Variants in KIAA1217 observed in about 807,000 individuals in gnomAD.
KIAA1217 encodes KIAA1217, also known as sickle tail protein homolog.
A neutral mutation model predicts 163.9 loss-of-function variants in KIAA1217; 88 were observed. The observed-to-expected ratio is 0.54, with a 90% CI of 0.45 to 0.64. The LOEUF is 0.64. KIAA1217 is among the 30% of genes least tolerant of loss of function. The pLI is 0.00. For missense variants in KIAA1217, 2,372 were observed against 2,475.0 expected, an observed-to-expected ratio of 0.96 and a Z score of 0.88; for synonymous variants, 903 against 923.1, an observed-to-expected ratio of 0.98 and a Z score of 0.39.
chr10:23,698,872 C>A (rs186874069), intron 1 of KIAA1217, among the ~76,000 whole-genome samples: 17 of 152,160 alleles, frequency 1.1e-4, no homozygotes, highest in African/African-American at 4.1e-4. Context: ...GTAGCCTCAA[C>A]CTCCTGGGCT....
chr10:23,949,639 C>T (rs927787170), intron 1 of KIAA1217, among the ~76,000 whole-genome samples: 2 of 151,862 alleles, frequency 1.3e-5, no homozygotes, highest in African/African-American at 4.8e-5. Flanking sequence ...AAAGAAAAGA[C>T]TGCCTGGTGT....
chr10:24,399,175 A>G (rs1209777213), intron 3 of KIAA1217, among the ~76,000 whole-genome samples: 4 of 152,224 alleles, frequency 2.6e-5, no homozygotes, highest in African/African-American at 7.2e-5. Context: ...ACACTGCCTG[A>G]TATATAGTAA....
At chr10:24,151,561 G>A (rs927624270) in intron 2 of KIAA1217, among the ~76,000 whole-genome samples, 31 of 150,868 alleles carry the variant, frequency 2.1e-4, no homozygotes, top group Admixed American at 6.6e-4. Flanking sequence ...CTAGGTGTGT[G>A]TGTGCTTCAG....
At chr10:24,081,917 T>G (rs913103867) in intron 2 of KIAA1217, among the ~76,000 whole-genome samples, 6 of 152,182 alleles carry the variant, frequency 3.9e-5, no homozygotes, top group African/African-American at 1.4e-4. Flanking sequence ...TTGTAGAAGC[T>G]GCACCCTTAC....
At chr10:23,736,784 C>T (rs1838832168) in intron 1 of KIAA1217, among the ~76,000 whole-genome samples, 1 of 152,142 alleles carries the variant, frequency 6.6e-6, no homozygotes, top group South Asian at 2.1e-4. Context: ...CCTCAGCCTC[C>T]CAAAGTGCTG....
chr10:24,093,930 T>C (rs907327101), intron 2 of KIAA1217, among the ~76,000 whole-genome samples: 9 of 151,670 alleles, frequency 5.9e-5, no homozygotes, highest in African/African-American at 2.2e-4. Context: ...AATAGTTTAC[T>C]GAGAATGATG....
intron 1 of KIAA1217, among the ~76,000 whole-genome samples, chr10:23,854,340 A>T (rs1839527569): frequency 6.6e-6 from 1 of 152,164 alleles, no homozygotes; most frequent in Admixed American, 6.5e-5. Flanking sequence ...GAGTTTCTTA[A>T]TCCTAAGTTC....
chr10:24,484,034 C>T (rs1410797824), intron 6 of KIAA1217, among the ~76,000 whole-genome samples: 1 of 151,652 alleles, frequency 6.6e-6, no homozygotes, highest in Non-Finnish European at 1.5e-5. Context: ...TAAGAAAAGC[C>T]CTGCCTGGCT....
At chr10:24,171,568 G>T (rs2065628212) in intron 2 of KIAA1217, among the ~76,000 whole-genome samples, 1 of 152,204 alleles carries the variant, frequency 6.6e-6, no homozygotes, top group South Asian at 2.1e-4. Context: ...ACTTTGGGAG[G>T]CTGAGGCGGA....
chr10:23,795,962 T>G (rs1836180713), intron 1 of KIAA1217, among the ~76,000 whole-genome samples: 1 of 152,230 alleles, frequency 6.6e-6, no homozygotes, highest in South Asian at 2.1e-4. Context: ...ATTGTTCGTT[T>G]ACTTTTCAAG....
intron 2 of KIAA1217, among the ~76,000 whole-genome samples, chr10:24,103,269 C>A (rs2062489792): frequency 2.6e-5 from 4 of 152,050 alleles, no homozygotes; most frequent in Admixed American, 2.6e-4. Context: ...AAAACTAACT[C>A]AAAATGGATA....
At position 24,544,367 on chromosome 10, in the gene KIAA1217, T is replaced by C; in HGVS notation, c.5097T>C (p.Ser1699=). 1 of 1,614,162 alleles carries C rather than the reference T, an allele frequency of 6.2e-7. No individual in the cohort carries two copies. Among genetic ancestry groups the C allele is most frequent in the Non-Finnish European group, 8.5e-7 (1 of 1,180,022 alleles). Residue 1699 remains serine (S), a synonymous_variant, in exon 19 of 21, where the codon TCT becomes TCC. Transcript: ENST00000376454. ...VDTSCSSNRD[S]VASSSHIAQE... The stretch of plus-strand genomic sequence containing the variant: ...CCTCATGTTCTTCCAACAGAGATTC[T>C]GTTGCAAGTTCATCCCACATAGCCC...
intron 1 of KIAA1217, among the ~76,000 whole-genome samples, chr10:23,982,365 C>A (rs939045581): frequency 6.6e-6 from 1 of 152,032 alleles, no homozygotes; most frequent in African/African-American, 2.4e-5. Context: ...TGTGTTTTTC[C>A]CCGATGATTC....
chr10:24,282,191 C>A (rs1165439833), intron 2 of KIAA1217, among the ~76,000 whole-genome samples: 2 of 125,762 alleles, frequency 1.6e-5, no homozygotes, highest in Non-Finnish European at 3.3e-5. Flanking sequence ...AACATAGAGA[C>A]CTCACCTCTA....
chr10:23,988,414 G>T lies in KIAA1217; in HGVS notation c.-320-18811G>T, dbSNP rs142580303. On this transcript the variant is annotated intron_variant, in intron 1 of 18. Coordinates refer to the KIAA1217 transcript ENST00000376462. Reference sequence around the variant, plus strand: ...TTTCCTGACCCTCTTAAAGCTAGTAGCAAATTTACATTTTTTCTCCTCCCA... The same window carrying T: ...TTTCCTGACCCTCTTAAAGCTAGTATCAAATTTACATTTTTTCTCCTCCCA... Among the ~76,000 whole-genome samples, 204 of 152,230 alleles carry T rather than the reference G, an allele frequency of 1.3e-3. 2 individuals carry two copies. The highest frequency in any genetic ancestry group is 0.012 in the Admixed American group (189 of 15,294).
At chr10:24,025,062 C>T (rs1167035093) in intron 2 of KIAA1217, among the ~76,000 whole-genome samples, 1 of 151,614 alleles carries the variant, frequency 6.6e-6, no homozygotes. Context: ...ATGGTTCCCA[C>T]TTTTTGTGTT....
At chr10:23,767,066 A>C (rs749316833) in intron 1 of KIAA1217, among the ~76,000 whole-genome samples, 5 of 152,228 alleles carry the variant, frequency 3.3e-5, no homozygotes, top group Non-Finnish European at 7.3e-5. Flanking sequence ...CTATGGGGAC[A>C]CAGAGAAACA....
At chr10:23,965,216 G>A (rs1332436066) in intron 1 of KIAA1217, among the ~76,000 whole-genome samples, 1 of 152,238 alleles carries the variant, frequency 6.6e-6, no homozygotes, top group African/African-American at 2.4e-5. Context: ...AGGGTTTAAA[G>A]CTGTGCCTGG....
chr10:24,112,940 T>G (rs1449579452), intron 2 of KIAA1217, among the ~76,000 whole-genome samples: 1 of 151,614 alleles, frequency 6.6e-6, no homozygotes, highest in African/African-American at 2.4e-5. Flanking sequence ...GAGAATGCCA[T>G]GTGAAAATAG....
Sources: gnomAD v4.1 joint callset for allele counts (sites outside exome capture counted in the v4.1 genomes callset) on GRCh38, gnomAD v4.1.1 for gene constraint, MANE v1.5 for transcripts, NCBI Gene and HGNC (gene_info 2026-07-23, HGNC 2026-07-21) for gene names.